The following ASXL3 variants were observed in gnomAD, a reference collection of about 807,000 sequenced individuals.
The protein encoded by ASXL3 is ASXL transcriptional regulator 3, also known as putative Polycomb group protein ASXL3.
ASXL3 carries 34 observed loss-of-function variants against 170.6 expected under a neutral mutation model. That is an observed-to-expected ratio of 0.20 (90% CI 0.15 to 0.27). ASXL3 has a LOEUF of 0.27. Ranked by LOEUF, ASXL3 falls within the 10% of genes least tolerant of loss-of-function variation. ASXL3 has a pLI of 1.00. For synonymous variants in ASXL3, 1,002 were observed against 989.1 expected (o/e 1.01, Z -0.24); for missense variants, 2,592 against 2,695.3 (o/e 0.96, Z 0.85).
chr18:33,664,138 C>A (rs1236927174), intron 5 of ASXL3, among the ~76,000 whole-genome samples: 1 of 152,180 alleles, frequency 6.6e-6, no homozygotes, highest in African/African-American at 2.4e-5. Flanking sequence ...AATTCTCATG[C>A]AAATGCTTTG....
chr18:33,696,858 A>G (rs947310275), intron 8 of ASXL3, among the ~76,000 whole-genome samples: 1 of 152,178 alleles, frequency 6.6e-6, no homozygotes, highest in Non-Finnish European at 1.5e-5. Flanking sequence ...ATCACCAAAC[A>G]TATGGGTAAA....
At chr18:33,632,088 CTG>C (rs1217716714) in intron 2 of ASXL3, among the ~76,000 whole-genome samples, 2 of 152,072 alleles carry the variant, frequency 1.3e-5, no homozygotes, top group African/African-American at 4.8e-5. Context: ...AAAGAAAAAA[CTG>C]TATTTAAAGA....
At chr18:33,696,634 G>A (rs894021991) in intron 8 of ASXL3, among the ~76,000 whole-genome samples, 3 of 152,086 alleles carry the variant, frequency 2.0e-5, no homozygotes, top group Non-Finnish European at 4.4e-5. Flanking sequence ...AGCTCTGAGT[G>A]AGGGGGGCTG....
intron 2 of ASXL3, chr18:33,614,230 A>G (rs1307347396): frequency 6.6e-6 from 1 of 152,186 alleles, no homozygotes; most frequent in Non-Finnish European, 1.5e-5. Flanking sequence ...AACTAAGTTA[A>G]TGTAATATTC....
chr18:33,646,431 A>G (rs1394003788), intron 4 of ASXL3, 78 bp downstream of exon 4: 11 of 1,001,988 alleles, frequency 1.1e-5, no homozygotes, highest in South Asian at 1.6e-5. Context: ...CATTAATTGA[A>G]TTTCCCACCA....
Position 33,665,926 on chromosome 18 carries a change from T to A in ASXL3, c.477+4189T>A, listed in dbSNP as rs532200421. On this transcript the variant is annotated intron_variant, in intron 5 of 11. Coordinates refer to ENST00000269197, the MANE Select transcript of ASXL3 (RefSeq NM_030632.3). ...GACTGCATTAGCTATGTTGTGTGTG[T>A]TTCCTTTGAAAAGTGCATTTATTTC... 2.6e-5 allele frequency among the ~76,000 whole-genome samples: 4 copies of A among 152,326 alleles called. No homozygotes were observed. In the East Asian group the frequency reaches 5.8e-4, roughly 22 times the overall value.
At chr18:33,630,740 GA>G (rs2065664930) in intron 2 of ASXL3, among the ~76,000 whole-genome samples, 1 of 151,914 alleles carries the variant, frequency 6.6e-6, no homozygotes, top group Admixed American at 6.6e-5. Context: ...GGGGTAGGAG[GA>G]TGAATCAAAA....
chr18:33,594,051 G>A (rs1278615673), intron 1 of ASXL3, among the ~76,000 whole-genome samples: 4 of 152,184 alleles, frequency 2.6e-5, no homozygotes, highest in African/African-American at 4.8e-5. Context: ...CCTGAATGCA[G>A]GGGTAATTAA....
At chr18:33,715,865 G>A (rs1401271544) in intron 8 of ASXL3, among the ~76,000 whole-genome samples, 1 of 152,168 alleles carries the variant, frequency 6.6e-6, no homozygotes, top group Non-Finnish European at 1.5e-5. Context: ...TGTCAGAAAT[G>A]CTCTTGAGTG....
At chr18:33,669,214 G>A (rs566890888) in intron 5 of ASXL3, among the ~76,000 whole-genome samples, 2 of 152,102 alleles carry the variant, frequency 1.3e-5, no homozygotes, top group African/African-American at 2.4e-5. Flanking sequence ...TATACATCTT[G>A]AAGAAAGAGT....
At chr18:33,732,878 AAT>A (rs986035138) in intron 9 of ASXL3, among the ~76,000 whole-genome samples, 1 of 141,194 alleles carries the variant, frequency 7.1e-6, no homozygotes, top group African/African-American at 2.6e-5. Context: ...AAAAAAAAAA[AAT>A]TACTGATGGC....
chr18:33,712,773 T>TAGA (rs758131566), intron 8 of ASXL3, among the ~76,000 whole-genome samples: 1 of 152,198 alleles, frequency 6.6e-6, no homozygotes, highest in Non-Finnish European at 1.5e-5. Context: ...TTAGTCAAGG[T>TAGA]AGAAGCTATG....
intron 10 of ASXL3, among the ~76,000 whole-genome samples, chr18:33,737,863 T>C (rs2067574091): frequency 6.6e-6 from 1 of 152,150 alleles, no homozygotes; most frequent in Non-Finnish European, 1.5e-5. Context: ...TCATCTTAAT[T>C]TCTTGGTTTT....
intron 8 of ASXL3, among the ~76,000 whole-genome samples, chr18:33,685,447 G>T (rs7241287): frequency 0.56 from 85,292 of 151,944 alleles, 24,560 homozygotes; most frequent in East Asian, 0.9. Flanking sequence ...TGTTAGAAAC[G>T]TTTAGGGGAA....
Position 33,748,267 on chromosome 18 carries a change from C to A in ASXL3, c.*1672C>A, listed in dbSNP as rs911554771. On this transcript the variant is annotated 3_prime_UTR_variant, in exon 12 of 12. Coordinates refer to ENST00000269197, the MANE Select transcript of ASXL3 (RefSeq NM_030632.3). ...TGAGCAGAAATTACATTCCTGAAAA[C>A]AAGAACACTTGTGATTTTTTTATAA... The A allele has an allele frequency of 2.6e-5, 4 of 152,132 alleles. No homozygotes were observed. Among genetic ancestry groups the A allele is most frequent in the Admixed American group, 6.5e-5 (1 of 15,268 alleles). The allele number at this position is 152,132 out of a possible 1,614,324, so 9.4% of individuals were successfully genotyped here. A position where few individuals can be genotyped will look rare whatever the true frequency, so the allele number is the denominator to read the frequency against.
At position 33,742,868 on chromosome 18, in the gene ASXL3, T is replaced by C. The variant is rs1234407208; in HGVS notation, c.3040-20T>C. The C allele has an allele frequency of 1.9e-6, 3 of 1,569,174 alleles. No homozygotes were observed. The Admixed American group carries it at 5.9e-5, about 31-fold the overall frequency. ...TCATGTATGAAGCACATTATATTTT[T>C]TTTTCTGTCCTCCTTTTAGATTCAG... On this transcript the variant is annotated intron_variant, in intron 11 of 11. Transcript: ENST00000269197.
intron 1 of ASXL3, among the ~76,000 whole-genome samples, chr18:33,588,020 A>C (rs1447187704): frequency 2.0e-5 from 3 of 152,082 alleles, no homozygotes; most frequent in Admixed American, 2.0e-4. Flanking sequence ...AGTCTGTCTT[A>C]ATGTTTATGG....
chr18:33,585,873 G>A (rs1231714011), intron 1 of ASXL3, among the ~76,000 whole-genome samples: 1 of 152,040 alleles, frequency 6.6e-6, no homozygotes, highest in Non-Finnish European at 1.5e-5. Context: ...CATAGATGTA[G>A]CATAAATTAG....
At chr18:33,638,005 A>C (rs7243855) in intron 2 of ASXL3, among the ~76,000 whole-genome samples, 71,672 of 151,746 alleles carry the variant, frequency 0.47, 17,413 homozygotes, top group East Asian at 0.79. Flanking sequence ...ACATAAATAG[A>C]GTGCTCAATA....
Sources: allele counts gnomAD v4.1 joint callset (sites outside exome capture counted in the v4.1 genomes callset), GRCh38; gene constraint gnomAD v4.1.1; transcripts MANE v1.5; gene names NCBI Gene and HGNC (gene_info 2026-07-23, HGNC 2026-07-21).